The following RANBP2 variants were observed in gnomAD, a reference collection of about 807,000 sequenced individuals.
RANBP2 encodes RAN binding protein 2.
In RANBP2, 57 loss-of-function variants were observed where a neutral mutation model predicts 303.6. That is an observed-to-expected ratio of 0.19 (90% CI 0.15 to 0.23). The LOEUF is 0.23. Ranked by LOEUF, RANBP2 falls within the 10% of genes least tolerant of loss-of-function variation. The probability of loss-of-function intolerance (pLI) is 1.00; values close to 1 mark genes in which losing one functional copy is unlikely to be tolerated. For missense variants in RANBP2, 3,138 were observed against 3,780.8 expected (o/e 0.83, Z 4.46); for synonymous variants, 1,167 against 1,301.5 (o/e 0.90, Z 2.23).
the RANBP2 span, among the ~76,000 whole-genome samples, chr2:109,685,081 C>T: frequency 2.0e-5 from 3 of 152,076 alleles, no homozygotes; most frequent in South Asian, 6.2e-4. Flanking sequence ...CCTTGTTGGC[C>T]AGGCTGGTCT....
intron 20 of RANBP2, among the ~76,000 whole-genome samples, chr2:108,770,352 G>T (rs1677414191): frequency 6.6e-6 from 1 of 152,334 alleles, no homozygotes; most frequent in East Asian, 1.9e-4. Flanking sequence ...ATGATACTAA[G>T]TTTTTGTTTA....
rs1369447906 is a variant in RANBP2, at chr2:108,748,277, G to A, written c.1064-643G>A. Among the ~76,000 whole-genome samples the A allele has an allele frequency of 2.0e-5, 3 of 150,744 alleles. No homozygotes were observed. In the East Asian group the frequency reaches 5.9e-4, roughly 29 times the overall value. ...GGCTGGAGTGCAGTGGCGTGATCTC[G>A]GCTCACTGCAAGCTCCACCTCCTGG... On this transcript the variant is annotated intron_variant, in intron 8 of 28. Transcript: ENST00000283195.
chr2:109,485,226 G>C, the RANBP2 span, among the ~76,000 whole-genome samples: 1 of 145,920 alleles, frequency 6.9e-6, no homozygotes, highest in Non-Finnish European at 1.5e-5. Flanking sequence ...CGGGAAATCT[G>C]TTTGAAAGAA....
chr2:109,692,062 G>A, the RANBP2 span, among the ~76,000 whole-genome samples: 22 of 152,284 alleles, frequency 1.4e-4, no homozygotes, highest in African/African-American at 2.6e-4. Flanking sequence ...GATTACAGGC[G>A]TGAGCCACCA....
At chr2:108,812,829 G>A in the RANBP2 span, 23 of 1,612,670 alleles carry the variant, frequency 1.4e-5, no homozygotes, top group Non-Finnish European at 1.7e-5. Flanking sequence ...GAGGAAGTAC[G>A]AGTTTATGAC....
the RANBP2 span, among the ~76,000 whole-genome samples, chr2:109,105,551 TA>T: frequency 4.2e-4 from 64 of 152,172 alleles, no homozygotes; most frequent in Non-Finnish European, 7.3e-4. Context: ...TAAAACTCTT[TA>T]TTTTTTTTCC....
the RANBP2 span, among the ~76,000 whole-genome samples, chr2:109,399,552 G>T: frequency 6.6e-6 from 1 of 152,046 alleles, no homozygotes; most frequent in South Asian, 2.1e-4. Context: ...GAGGCGGGAG[G>T]ATTGCTTGAG....
At chr2:108,752,155 A>G (rs1166718602) in intron 12 of RANBP2, among the ~76,000 whole-genome samples, 161 bp downstream of exon 12, 9 of 152,132 alleles carry the variant, frequency 5.9e-5, no homozygotes, top group Non-Finnish European at 1.2e-4. Context: ...GTTAAATATA[A>G]GCACTTAGAG....
the RANBP2 span, among the ~76,000 whole-genome samples, chr2:109,483,833 G>T: frequency 3.3e-5 from 5 of 152,086 alleles, no homozygotes; most frequent in East Asian, 9.7e-4. Context: ...TCCTGTGACT[G>T]TCCCCATCAG....
chr2:108,843,844 TTG>T, the RANBP2 span, among the ~76,000 whole-genome samples: 326 of 22,804 alleles, frequency 0.014, 7 homozygotes, highest in Non-Finnish European at 0.054. Flanking sequence ...AGTTCATGTT[TTG>T]TGTGTGTGTG....
chr2:108,984,700 C>A, the RANBP2 span, among the ~76,000 whole-genome samples: 1 of 150,920 alleles, frequency 6.6e-6, no homozygotes, highest in African/African-American at 2.5e-5. Context: ...GTTTTTTTTT[C>A]ATGGCGCTGG....
the RANBP2 span, among the ~76,000 whole-genome samples, chr2:109,173,876 C>A: frequency 6.6e-6 from 1 of 152,204 alleles, no homozygotes; most frequent in Admixed American, 6.5e-5. Flanking sequence ...TTTGCTGTTG[C>A]TTCATCTGGA....
the RANBP2 span, among the ~76,000 whole-genome samples, chr2:109,539,075 G>A: frequency 7.2e-4 from 110 of 152,076 alleles, no homozygotes; most frequent in Non-Finnish European, 1.4e-3. Context: ...CAAGGCAGGC[G>A]GCTCATGAGG....
At chr2:109,196,207 G>T in the RANBP2 span, among the ~76,000 whole-genome samples, 1 of 152,198 alleles carries the variant, frequency 6.6e-6, no homozygotes, top group Non-Finnish European at 1.5e-5. Flanking sequence ...CCACCCTTGA[G>T]GCCATGTCGG....
At chr2:109,129,765 C>A in the RANBP2 span, 1 of 1,539,536 alleles carries the variant, frequency 6.5e-7, no homozygotes, top group Non-Finnish European at 8.7e-7. Flanking sequence ...CATGCCAACA[C>A]ACTTTCTGCC....
chr2:109,721,490 C>T, the RANBP2 span, among the ~76,000 whole-genome samples: 1 of 152,136 alleles, frequency 6.6e-6, no homozygotes, highest in Non-Finnish European at 1.5e-5. Flanking sequence ...ATCAGAATTG[C>T]TGTGCTGGAA....
the RANBP2 span, chr2:108,929,395 G>A: frequency 6.2e-7 from 1 of 1,613,826 alleles, no homozygotes; most frequent in Non-Finnish European, 8.5e-7. Context: ...CAGGGAAAGA[G>A]GACAGGGGAC....
At chr2:109,613,198 A>G in the RANBP2 span, 12 of 1,286,846 alleles carry the variant, frequency 9.3e-6, no homozygotes, top group Non-Finnish European at 1.2e-5. Flanking sequence ...CCGCTGGCTT[A>G]CTAACAAGCG....
chr2:109,608,772 A>G, the RANBP2 span, among the ~76,000 whole-genome samples: 3 of 151,028 alleles, frequency 2.0e-5, no homozygotes, highest in African/African-American at 7.4e-5. Flanking sequence ...TACAAATCCT[A>G]AAAAAAAATT....
Sources: allele counts gnomAD v4.1 joint callset (sites outside exome capture counted in the v4.1 genomes callset), GRCh38; gene constraint gnomAD v4.1.1; transcripts MANE v1.5; gene names NCBI Gene and HGNC (gene_info 2026-07-23, HGNC 2026-07-21).